The following EXOC4 variants were observed in gnomAD, a reference collection of about 807,000 sequenced individuals.
EXOC4 encodes SEC8-like 1.
A neutral mutation model predicts 107.2 loss-of-function variants in EXOC4; 71 were observed. That is an observed-to-expected ratio of 0.66 (90% CI 0.55 to 0.81). EXOC4 has a LOEUF of 0.81. Ranked by LOEUF, EXOC4 falls within the 30% of genes least tolerant of loss-of-function variation. The pLI is 0.00. For synonymous variants in EXOC4, 456 were observed against 441.2 expected (o/e 1.03, Z -0.42); for missense variants, 1,108 against 1,189.6 (o/e 0.93, Z 1.01).
intron 5 of EXOC4, among the ~76,000 whole-genome samples, chr7:133,337,056 A>G (rs767667875): frequency 2.0e-5 from 3 of 152,146 alleles, no homozygotes; most frequent in Non-Finnish European, 2.9e-5. Context: ...AAATGTATCA[A>G]TATGCTATAT....
rs988062125 is a variant in EXOC4 at position 134,004,924 on chromosome 7, C to A, written c.2361C>A (p.Phe787Leu). 1.2e-6 allele frequency: 2 copies of A among 1,612,216 alleles called. No homozygotes were observed. Among genetic ancestry groups the A allele is most frequent in the African/African-American group, 2.7e-5 (2 of 74,816 alleles). The change falls in exon 16 of 18, where the codon TTC (phenylalanine) becomes TTA (leucine). Residue 787 changes from phenylalanine to leucine, a missense_variant. Phe to Leu is a conservative substitution (Grantham distance 22). Coordinates refer to ENST00000253861, the MANE Select transcript of EXOC4 (RefSeq NM_021807.4). Reference protein sequence around the residue: ...VLHLEVRVHCFHYLIPLAKEG... With the variant: ...VLHLEVRVHCLHYLIPLAKEG... Reference sequence around the variant, plus strand: ...CTCTCTTTTTCAGGGTTCACTGTTTCCACTATCTTATCCCTCTTGCAAAGG... The same window carrying A: ...CTCTCTTTTTCAGGGTTCACTGTTTACACTATCTTATCCCTCTTGCAAAGG...
chr7:133,256,172 A>ATG (rs1282763838), intron 1 of EXOC4, among the ~76,000 whole-genome samples: 4 of 152,104 alleles, frequency 2.6e-5, no homozygotes, highest in Non-Finnish European at 5.9e-5. Context: ...TAGTAGAGGC[A>ATG]GGGTTTCACC....
intron 14 of EXOC4, among the ~76,000 whole-genome samples, chr7:133,983,152 C>T (rs749290930): frequency 7.2e-5 from 11 of 152,236 alleles, no homozygotes; most frequent in East Asian, 3.9e-4. Flanking sequence ...GATATTCACA[C>T]GCTTTAAACA....
chr7:134,051,301 C>T (rs1178743087), intron 17 of EXOC4, among the ~76,000 whole-genome samples: 2 of 152,222 alleles, frequency 1.3e-5, no homozygotes, highest in African/African-American at 2.4e-5. Context: ...GCAGGAACAC[C>T]TGCAGCAGGC....
At chr7:133,762,413 A>G (rs1562987112) in intron 10 of EXOC4, among the ~76,000 whole-genome samples, 2 of 152,196 alleles carry the variant, frequency 1.3e-5, no homozygotes, top group East Asian at 3.9e-4. Context: ...GAAAATTAAA[A>G]TAAGAAACCT....
At chr7:133,640,737 G>A (rs1434731709) in intron 10 of EXOC4, among the ~76,000 whole-genome samples, 1 of 152,200 alleles carries the variant, frequency 6.6e-6, no homozygotes, top group Non-Finnish European at 1.5e-5. Context: ...TTTCTGATCA[G>A]TCAGTGAAAA....
At chr7:133,463,564 G>A (rs1333707007) in intron 7 of EXOC4, among the ~76,000 whole-genome samples, 5 of 152,092 alleles carry the variant, frequency 3.3e-5, no homozygotes, top group Admixed American at 1.3e-4. Flanking sequence ...GCAAGGGTTA[G>A]GATATTTTAC....
intron 2 of EXOC4, among the ~76,000 whole-genome samples, chr7:133,280,210 G>A (rs937980713): frequency 3.3e-5 from 5 of 152,326 alleles, no homozygotes; most frequent in Admixed American, 6.5e-5. Flanking sequence ...ATCAGGTCAA[G>A]TAATGTGGAC....
intron 9 of EXOC4, among the ~76,000 whole-genome samples, chr7:133,506,673 A>G (rs1799671198): frequency 6.6e-6 from 1 of 152,054 alleles, no homozygotes; most frequent in Admixed American, 6.6e-5. Flanking sequence ...CCTAGTTTAT[A>G]CTTCTTTCAA....
intron 9 of EXOC4, among the ~76,000 whole-genome samples, chr7:133,579,930 T>C (rs1359113641): frequency 2.0e-5 from 3 of 152,154 alleles, no homozygotes; most frequent in African/African-American, 7.2e-5. Flanking sequence ...CTCTTGACCT[T>C]GTGATCTGCC....
the EXOC4 span, among the ~76,000 whole-genome samples, chr7:134,084,501 G>T: frequency 6.6e-6 from 1 of 152,112 alleles, no homozygotes; most frequent in Non-Finnish European, 1.5e-5. Flanking sequence ...CAGAGAGAAG[G>T]TCCCAAGAGG....
chr7:133,712,506 A>G (rs957937065), intron 10 of EXOC4, among the ~76,000 whole-genome samples: 4 of 148,746 alleles, frequency 2.7e-5, no homozygotes, highest in African/African-American at 7.4e-5. Flanking sequence ...TAGGAATACA[A>G]AAGGGTTCCA....
chr7:133,580,082 A>C (rs982751086), intron 9 of EXOC4, among the ~76,000 whole-genome samples: 3 of 152,200 alleles, frequency 2.0e-5, no homozygotes. Flanking sequence ...GGCTTATTTC[A>C]CTTAGCGTAA....
At chr7:133,795,294 CTTTTAGTGCTG>C (rs535818160) in intron 10 of EXOC4, among the ~76,000 whole-genome samples, 119 of 152,258 alleles carry the variant, frequency 7.8e-4, no homozygotes, top group African/African-American at 2.7e-3. Context: ...TGTCTCCTTG[CTTTTAGTGCTG>C]TTTTAGTATG....
chr7:133,836,898 C>T (rs1022637425), intron 11 of EXOC4, among the ~76,000 whole-genome samples: 3 of 152,026 alleles, frequency 2.0e-5, no homozygotes, highest in African/African-American at 7.2e-5. Context: ...TGCCGTTATA[C>T]TGTGGGGGAT....
chr7:133,799,138 A>C (rs769019591), intron 10 of EXOC4, among the ~76,000 whole-genome samples: 1 of 152,228 alleles, frequency 6.6e-6, no homozygotes, highest in African/African-American at 2.4e-5. Flanking sequence ...GAGATGAACT[A>C]CTGTCTCTCA....
chr7:133,324,486 G>A (rs1424410813), intron 5 of EXOC4, among the ~76,000 whole-genome samples: 1 of 152,208 alleles, frequency 6.6e-6, no homozygotes, highest in East Asian at 1.9e-4. Flanking sequence ...GTATTCAGGA[G>A]CAGGTTGTTC....
chr7:134,021,798 G>A (rs1239739186), intron 17 of EXOC4, among the ~76,000 whole-genome samples: 1 of 150,804 alleles, frequency 6.6e-6, no homozygotes, highest in Admixed American at 6.6e-5. Flanking sequence ...TGACACACAC[G>A]GTCAGGGGAA....
chr7:133,610,604 A>G (rs184029212), intron 9 of EXOC4, among the ~76,000 whole-genome samples: 1 of 151,776 alleles, frequency 6.6e-6, no homozygotes, highest in Admixed American at 6.6e-5. Context: ...TCACCTAAAC[A>G]TTCCCCATTT....
Sources: allele counts gnomAD v4.1 joint callset (sites outside exome capture counted in the v4.1 genomes callset), GRCh38; gene constraint gnomAD v4.1.1; transcripts MANE v1.5; gene names NCBI Gene and HGNC (gene_info 2026-07-23, HGNC 2026-07-21).